The following CTNNA2 variants were observed in gnomAD, a reference collection of about 807,000 sequenced individuals.
The protein encoded by CTNNA2 is catenin alpha-2.
In CTNNA2, 42 loss-of-function variants were observed where a neutral mutation model predicts 101.0. The ratio of observed to expected loss-of-function variants is 0.42; its 90% CI spans 0.32 to 0.54. The LOEUF is 0.54. CTNNA2 is among the 20% of genes least tolerant of loss of function. CTNNA2 has a pLI of 0.14. For synonymous variants in CTNNA2, 450 were observed against 456.4 expected (o/e 0.99, Z 0.18); for missense variants, 871 against 1,223.1 (o/e 0.71, Z 4.29).
At chr2:80,385,150 T>C (rs557334444) in intron 7 of CTNNA2, among the ~76,000 whole-genome samples, 6 of 152,320 alleles carry the variant, frequency 3.9e-5, no homozygotes, top group African/African-American at 1.2e-4. Flanking sequence ...ATATACTAAA[T>C]GCTTGTGTCC....
At chr2:79,799,734 G>A (rs182442487) in intron 3 of CTNNA2, among the ~76,000 whole-genome samples, 6 of 152,238 alleles carry the variant, frequency 3.9e-5, no homozygotes, top group Admixed American at 2.6e-4. Flanking sequence ...CAGTCTTAAT[G>A]TCACATTAGC....
At chr2:79,691,544 C>T (rs1316279646) in intron 2 of CTNNA2, among the ~76,000 whole-genome samples, 1 of 151,642 alleles carries the variant, frequency 6.6e-6, no homozygotes, top group African/African-American at 2.4e-5. Flanking sequence ...CATACGGAAC[C>T]AAAAAAGAGT....
In CTNNA2 at chr2:79,969,457, T is replaced by C. The variant is rs368980738; in HGVS notation, c.1056+59660T>C. On this transcript the variant is annotated intron_variant, in intron 7 of 18. Coordinates refer to ENST00000402739, the MANE Select transcript of CTNNA2 (RefSeq NM_001282597.3). ...AAGAGAGGACTGTCCTTCCATCCAC[T>C]GGATTTCAATAACGCGGTTAAAAGA... Among the ~76,000 whole-genome samples the C allele has an allele frequency of 9.9e-5, 15 of 152,282 alleles. No homozygotes were observed. In the East Asian group the frequency reaches 2.1e-3, roughly 22 times the overall value.
intron 7 of CTNNA2, among the ~76,000 whole-genome samples, chr2:79,956,843 G>GTTTTTTGTTTTTTTTTTTTTT (rs1553413397): frequency 5.1e-5 from 5 of 98,938 alleles, no homozygotes; most frequent in African/African-American, 1.9e-4. Context: ...ATACGTGTGG[G>GTTTTTTGTTTTTTTTTTTTTT]TTTTTTTTTT....
At chr2:79,647,609 C>A (rs567128484) in intron 1 of CTNNA2, among the ~76,000 whole-genome samples, 2 of 152,026 alleles carry the variant, frequency 1.3e-5, no homozygotes, top group Non-Finnish European at 2.9e-5. Context: ...TGGTTTTGTC[C>A]ACTGATGTAG....
intron 7 of CTNNA2, among the ~76,000 whole-genome samples, chr2:80,194,474 A>G (rs1706710777): frequency 6.6e-6 from 1 of 150,488 alleles, no homozygotes; most frequent in African/African-American, 2.5e-5. Flanking sequence ...CTTCAAAATT[A>G]TATTTTACAT....
At chr2:80,539,067 A>G (rs7598941) in intron 9 of CTNNA2, among the ~76,000 whole-genome samples, 81,591 of 151,904 alleles carry the variant, frequency 0.54, 23,323 homozygotes, top group African/African-American at 0.75. Context: ...TGCCCAGACC[A>G]GAGTGGAGTG....
chr2:79,852,667 C>T (rs548683329), intron 3 of CTNNA2, among the ~76,000 whole-genome samples: 9 of 152,382 alleles, frequency 5.9e-5, no homozygotes, highest in African/African-American at 2.2e-4. Context: ...TCTCTGCTCA[C>T]TGCAACCTCC....
At chr2:79,214,731 C>T (rs58374930) in intron 2 of CTNNA2, among the ~76,000 whole-genome samples, 60,565 of 151,762 alleles carry the variant, frequency 0.4, 14,162 homozygotes, top group East Asian at 0.53. Context: ...CAGTGAGATG[C>T]GGCTGTAGTC....
At chr2:79,389,060 G>T (rs1168350792) in intron 4 of CTNNA2, among the ~76,000 whole-genome samples, 1 of 152,002 alleles carries the variant, frequency 6.6e-6, no homozygotes, top group East Asian at 1.9e-4. Context: ...AAATTCTCCA[G>T]GTATTTACAT....
intron 2 of CTNNA2, among the ~76,000 whole-genome samples, chr2:79,688,965 T>G (rs951037846): frequency 6.6e-6 from 1 of 151,942 alleles, no homozygotes; most frequent in Admixed American, 6.6e-5. Flanking sequence ...CTAGAAAGAT[T>G]CAATGGCTGG....
rs182061938 is a variant in CTNNA2 at position 79,464,219 on chromosome 2, G to A, written c.-134-40835G>A. Among the ~76,000 whole-genome samples, 697 of 152,246 alleles carry A rather than the reference G, an allele frequency of 4.6e-3. 5 individuals are homozygous for A. The highest frequency in any genetic ancestry group is 7.5e-3 in the Non-Finnish European group (513 of 68,018). Reference sequence around the variant, plus strand: ...AAGTGTTCAATTCCCACCTATGAGTGAGAACATGCGGTGTTTGGTTTTTTT... The same window carrying A: ...AAGTGTTCAATTCCCACCTATGAGTAAGAACATGCGGTGTTTGGTTTTTTT... On this transcript the variant is annotated intron_variant, in intron 4 of 21. Coordinates refer to the CTNNA2 transcript ENST00000466387.
intron 1 of CTNNA2, among the ~76,000 whole-genome samples, chr2:79,191,223 A>T (rs568931737): frequency 3.3e-5 from 5 of 152,358 alleles, no homozygotes; most frequent in African/African-American, 1.2e-4. Flanking sequence ...TTAAATAATC[A>T]GAACAAAGTT....
intron 2 of CTNNA2, among the ~76,000 whole-genome samples, chr2:79,280,671 GAGAGAGAGAGAGAA>G (rs774165773): frequency 0.034 from 3,231 of 93,668 alleles, 113 homozygotes; most frequent in African/African-American, 0.13. Context: ...GAAAGAGAGA[GAGAGAGAGAGAGAA>G]AGAGAGAGAG....
intron 8 of CTNNA2, among the ~76,000 whole-genome samples, chr2:80,415,267 G>A (rs1279874548): frequency 1.3e-5 from 2 of 152,094 alleles, no homozygotes; most frequent in Non-Finnish European, 2.9e-5. Flanking sequence ...TTTGGCCATG[G>A]GAGCCTCCTG....
At chr2:80,187,295 C>T (rs1191203243) in intron 7 of CTNNA2, among the ~76,000 whole-genome samples, 1 of 151,960 alleles carries the variant, frequency 6.6e-6, no homozygotes, top group Admixed American at 6.6e-5. Context: ...CTGAAAAGTG[C>T]CAGAAAATGG....
intron 2 of CTNNA2, among the ~76,000 whole-genome samples, chr2:79,243,219 G>A (rs186368625): frequency 4.9e-4 from 75 of 152,126 alleles, no homozygotes; most frequent in African/African-American, 1.7e-3. Flanking sequence ...GGTGGGCTAG[G>A]GGTGAAAGAG....
At chr2:80,289,680 G>A (rs1675070697) in intron 7 of CTNNA2, among the ~76,000 whole-genome samples, 1 of 152,142 alleles carries the variant, frequency 6.6e-6, no homozygotes, top group Non-Finnish European at 1.5e-5. Flanking sequence ...CAGCAAGGCA[G>A]CCACTGATAT....
intron 6 of CTNNA2, among the ~76,000 whole-genome samples, chr2:79,904,636 T>C (rs1463635372): frequency 6.6e-6 from 1 of 152,184 alleles, no homozygotes; most frequent in East Asian, 1.9e-4. Flanking sequence ...ATCTCTGGCA[T>C]CATTTCCCTA....
Sources: allele counts gnomAD v4.1 joint callset (sites outside exome capture counted in the v4.1 genomes callset), GRCh38; gene constraint gnomAD v4.1.1; transcripts MANE v1.5; gene names NCBI Gene and HGNC (gene_info 2026-07-23, HGNC 2026-07-21).